The following PGM3 variants were observed in gnomAD, a reference collection of about 807,000 sequenced individuals.
PGM3 encodes the protein phosphoacetylglucosamine mutase.
In PGM3, 40 loss-of-function variants were observed where a neutral mutation model predicts 66.2. The observed-to-expected ratio is 0.60, with a 90% CI of 0.47 to 0.79. The LOEUF (loss-of-function observed/expected upper bound fraction) is 0.79. PGM3 is among the 30% of genes least tolerant of loss of function. The pLI, the probability that PGM3 is intolerant of heterozygous loss-of-function variation, is 0.00. For synonymous variants in PGM3, 191 were observed against 224.2 expected (o/e 0.85, Z 1.32); for missense variants, 537 against 643.4 (o/e 0.83, Z 1.79).
chr6:83,152,411 T>G, the PGM3 span: 9 of 919,722 alleles, frequency 9.8e-6, no homozygotes, highest in East Asian at 2.9e-5. Context: ...GTAGACTGTT[T>G]CATTATTAAA....
chr6:83,181,707 C>T (rs374282974), intron 6 of PGM3, 29 bp downstream of exon 6: 15 of 1,524,878 alleles, frequency 9.8e-6, no homozygotes, highest in Non-Finnish European at 1.3e-5. Context: ...GCATTAAAAA[C>T]AAATTTTTGC....
Position 83,168,997 on chromosome 6 carries a change from T to C in PGM3, c.*237A>G. The C allele has an allele frequency of 1.5e-6, 2 of 1,305,874 alleles. No individual in the cohort carries two copies. The highest frequency in any genetic ancestry group is 2.0e-6 in the Non-Finnish European group (2 of 1,023,678). The allele number at this position is 1,305,874 out of a possible 1,614,324, so 80.9% of individuals were successfully genotyped here. ...TTAGTGACTGAATTGTATACTTAAG[T>C]CCCAGTATTTTACATTAGTGAGACT... On this transcript the variant is annotated 3_prime_UTR_variant, in exon 13 of 13. Coordinates refer to ENST00000513973, the MANE Select transcript of PGM3 (RefSeq NM_015599.3).
chr6:83,155,404 T>A, the PGM3 span, among the ~76,000 whole-genome samples: 1 of 151,970 alleles, frequency 6.6e-6, no homozygotes, highest in Admixed American at 6.6e-5. Context: ...GAGGCTGCAG[T>A]GAGCCATGAT....
intron 10 of PGM3, among the ~76,000 whole-genome samples, chr6:83,173,496 G>A (rs1787471696): frequency 1.3e-5 from 2 of 151,870 alleles, no homozygotes. Flanking sequence ...ATGAGCTTTG[G>A]TATAAGATAT....
the PGM3 span, chr6:83,152,286 A>T: frequency 6.5e-7 from 1 of 1,542,700 alleles, no homozygotes; most frequent in Non-Finnish European, 8.8e-7. Flanking sequence ...TCTTATTTAT[A>T]GATATGTTAT....
intron 1 of PGM3, among the ~76,000 whole-genome samples, chr6:83,191,958 C>CA (rs1219337174): frequency 0.19 from 7,353 of 39,064 alleles, 1,016 homozygotes; most frequent in Non-Finnish European, 0.23. Flanking sequence ...GACTCGGTCT[C>CA]AAAAAAAAAA....
chr6:83,186,947 C>T, intron 4 of PGM3, 61 bp downstream of exon 4: 2 of 933,966 alleles, frequency 2.1e-6, no homozygotes, highest in Non-Finnish European at 3.3e-6. Flanking sequence ...ATATACATTA[C>T]TTTTGTAAAT....
intron 7 of PGM3, 44 bp from the exon 8 acceptor site, chr6:83,178,800 T>C: frequency 9.0e-7 from 1 of 1,116,328 alleles, no homozygotes; most frequent in Non-Finnish European, 1.4e-6. Flanking sequence ...AAAAGTATGG[T>C]CTACAAAAAC....
chr6:83,154,751 CTTGA>C, the PGM3 span, among the ~76,000 whole-genome samples: 1 of 151,764 alleles, frequency 6.6e-6, no homozygotes, highest in Non-Finnish European at 1.5e-5. Context: ...TCTTTCTACT[CTTGA>C]TTGTTTTTAT....
At chr6:83,151,312 G>A in the PGM3 span, among the ~76,000 whole-genome samples, 1 of 151,984 alleles carries the variant, frequency 6.6e-6, no homozygotes, top group Admixed American at 6.6e-5. Flanking sequence ...GCACCACCAC[G>A]CCTGGCCACA....
At chr6:83,187,364 C>T (rs150607549) in intron 3 of PGM3, among the ~76,000 whole-genome samples, 1 of 152,308 alleles carries the variant, frequency 6.6e-6, no homozygotes, top group African/African-American at 2.4e-5. Context: ...AGTTCGACTA[C>T]AGCAACATGT....
chr6:83,159,936 C>G (rs762076628), downstream of PGM3: 3 of 1,614,100 alleles, frequency 1.9e-6, no homozygotes, highest in South Asian at 3.3e-5. Flanking sequence ...GCATTGCCCT[C>G]TGAAAACCTT....
chr6:83,152,841 C>T, the PGM3 span, among the ~76,000 whole-genome samples: 16 of 152,070 alleles, frequency 1.1e-4, no homozygotes, highest in Admixed American at 9.8e-4. Context: ...TGGTCTCGAA[C>T]TCCTGACCTC....
intron 4 of PGM3, 58 bp from the exon 5 acceptor site, chr6:83,183,036 T>A (rs888604251): frequency 9.2e-6 from 14 of 1,516,230 alleles, no homozygotes; most frequent in Non-Finnish European, 1.2e-5. Context: ...GAAAAAAGTT[T>A]AAATGCATTC....
chr6:83,151,918 A>T, the PGM3 span: 1 of 1,613,950 alleles, frequency 6.2e-7, no homozygotes, highest in East Asian at 2.2e-5. Flanking sequence ...CAATTGGTGC[A>T]ATTGCTGGTT....
At chr6:83,157,478 G>A (rs1217197032), downstream of PGM3, among the ~76,000 whole-genome samples, 1 of 152,154 alleles carries the variant, frequency 6.6e-6, no homozygotes, top group Non-Finnish European at 1.5e-5. Flanking sequence ...AAACAAGTCA[G>A]ATTCCATTTC....
downstream of PGM3, chr6:83,158,689 C>A: frequency 9.3e-7 from 1 of 1,075,512 alleles, no homozygotes; most frequent in East Asian, 2.5e-5. Context: ...GAATATTACT[C>A]AGCATCTAGG....
intron 10 of PGM3, among the ~76,000 whole-genome samples, chr6:83,172,414 T>C (rs901560730): frequency 8.6e-4 from 131 of 151,672 alleles, no homozygotes; most frequent in African/African-American, 3.1e-3. Flanking sequence ...CCTTGTCTCT[T>C]AATAAAAAAC....
In PGM3 at chr6:83,181,748, T is replaced by G. The variant is rs1278637892; in HGVS notation, c.775A>C (p.Lys259Gln). ...TAGTACGACATACCCTGTGGAGGTT[T>G]CTGATGACTTTTCACAAAGTCAGCT... ...CGADFVKSHQ[K>Q]PPQGMEIKSN... is the part of the protein sequence containing the mutation. Residue 259 changes from lysine to glutamine, a missense_variant, in exon 6 of 13, where the codon AAA becomes CAA. Coordinates refer to ENST00000513973, the MANE Select transcript of PGM3 (RefSeq NM_015599.3). 2.5e-6 allele frequency: 4 copies of G among 1,610,002 alleles called. No individual in the cohort carries two copies. The highest frequency in any genetic ancestry group is 3.4e-6 in the Non-Finnish European group (4 of 1,178,738).
Sources: gnomAD v4.1 joint callset for allele counts (sites outside exome capture counted in the v4.1 genomes callset) on GRCh38, gnomAD v4.1.1 for gene constraint, MANE v1.5 for transcripts, NCBI Gene and HGNC (gene_info 2026-07-23, HGNC 2026-07-21) for gene names.